The following SYTL3 variants were observed in gnomAD, a reference collection of about 807,000 sequenced individuals.
SYTL3 encodes synaptotagmin-like protein 3.
In SYTL3, 88 loss-of-function variants were observed where a neutral mutation model predicts 82.1. That is an observed-to-expected ratio of 1.07 (90% CI 0.90 to 1.28). The LOEUF (loss-of-function observed/expected upper bound fraction) is 1.28, where lower values mean the gene tolerates loss of function less well. SYTL3 is among the 50% of genes most tolerant of loss of function. The pLI is 0.00. For synonymous variants in SYTL3, 311 were observed against 289.4 expected (o/e 1.07, Z -0.76); for missense variants, 831 against 757.6 (o/e 1.10, Z -1.14).
chr6:158,712,937 A>G (rs1414702253), intron 8 of SYTL3, among the ~76,000 whole-genome samples: 1 of 150,820 alleles, frequency 6.6e-6, no homozygotes, highest in Non-Finnish European at 1.5e-5. Flanking sequence ...TTTTTTTTGT[A>G]TTTTTAGTAG....
At chr6:158,702,387 A>G (rs1781418607) in intron 6 of SYTL3, among the ~76,000 whole-genome samples, 1 of 149,518 alleles carries the variant, frequency 6.7e-6, no homozygotes, top group Admixed American at 6.7e-5. Context: ...TAAGTTACCC[A>G]GGCTGGTCTC....
At chr6:158,751,612 G>A (rs1429530070) in intron 12 of SYTL3, among the ~76,000 whole-genome samples, 4 of 152,194 alleles carry the variant, frequency 2.6e-5, no homozygotes, top group Non-Finnish European at 5.9e-5. Flanking sequence ...CCAGGCAGGC[G>A]AGAGAATCTC....
chr6:158,756,194 T>A (rs1254721986), intron 13 of SYTL3, among the ~76,000 whole-genome samples: 1 of 152,168 alleles, frequency 6.6e-6, no homozygotes, highest in Non-Finnish European at 1.5e-5. Flanking sequence ...CGGCCTCTAG[T>A]CTCTATGGGG....
intron 6 of SYTL3, among the ~76,000 whole-genome samples, chr6:158,688,344 A>C (rs542858301): frequency 1.3e-5 from 2 of 152,334 alleles, no homozygotes; most frequent in African/African-American, 2.4e-5. Context: ...TGTTTTGCCA[A>C]ATTACCCTCT....
chr6:158,717,012 T>C (rs1295536086), intron 9 of SYTL3, among the ~76,000 whole-genome samples: 1 of 152,256 alleles, frequency 6.6e-6, no homozygotes, highest in East Asian at 1.9e-4. Context: ...CCAGGCATGG[T>C]GGCTTAAGCC....
At chr6:158,698,605 A>G (rs1329768482) in intron 6 of SYTL3, among the ~76,000 whole-genome samples, 1 of 152,192 alleles carries the variant, frequency 6.6e-6, no homozygotes, top group Non-Finnish European at 1.5e-5. Flanking sequence ...TAGCATTTAG[A>G]GAAAACTCAA....
chr6:158,684,550 G>A (rs1309804868), intron 6 of SYTL3, among the ~76,000 whole-genome samples: 2 of 152,074 alleles, frequency 1.3e-5, no homozygotes, highest in Non-Finnish European at 2.9e-5. Flanking sequence ...TCAGGGATGC[G>A]GGCAGCACCC....
intron 8 of SYTL3, among the ~76,000 whole-genome samples, chr6:158,710,172 A>G (rs373628945): frequency 6.6e-6 from 1 of 152,386 alleles, no homozygotes; most frequent in East Asian, 1.9e-4. Flanking sequence ...GGGTATAACA[A>G]TTATGAACAG....
chr6:158,648,607 A>T (rs6934639), upstream of SYTL3, among the ~76,000 whole-genome samples: 50,998 of 127,580 alleles, frequency 0.4, 10,631 homozygotes, highest in Non-Finnish European at 0.42. Flanking sequence ...AAAAAAAAAA[A>T]AATAATAATA....
At chr6:158,720,370 C>T (rs566500161) in intron 10 of SYTL3, among the ~76,000 whole-genome samples, 238 of 145,654 alleles carry the variant, frequency 1.6e-3, no homozygotes, top group African/African-American at 5.7e-3. Context: ...TACTGTTATA[C>T]GCTCCAGCCT....
chr6:158,681,687 A>G (rs1778716870), intron 5 of SYTL3, among the ~76,000 whole-genome samples: 1 of 152,040 alleles, frequency 6.6e-6, no homozygotes, highest in African/African-American at 2.4e-5. Context: ...CAACAAGAAC[A>G]AGTTGTCCAC....
chr6:158,691,745 G>C (rs1190240338), intron 6 of SYTL3, among the ~76,000 whole-genome samples: 1 of 151,006 alleles, frequency 6.6e-6, no homozygotes, highest in Non-Finnish European at 1.5e-5. Flanking sequence ...TCCGCCTCCC[G>C]GGTTCACGCC....
chr6:158,763,164 C>T, intron 16 of SYTL3, 140 bp from the exon 17 acceptor site: 2 of 783,008 alleles, frequency 2.6e-6, no homozygotes, highest in South Asian at 1.6e-5. Context: ...CTGTGGTTCC[C>T]ACCCTGCTTC....
intron 2 of SYTL3, among the ~76,000 whole-genome samples, chr6:158,658,265 C>A (rs1400858163): frequency 6.6e-6 from 1 of 152,132 alleles, no homozygotes; most frequent in Non-Finnish European, 1.5e-5. Context: ...GAGTTAAATT[C>A]TGTTGTTAAT....
In SYTL3 at chr6:158,663,407, T is replaced by G. The variant is rs545871542; in HGVS notation, c.110+29T>G. On this transcript the variant is annotated intron_variant, in intron 4 of 17. Transcript: ENST00000611299. ...GGCTGCCCTTCCCGGGGGGTCACTT[T>G]GGGTGTTTAGCTTTCTCTGCTTGGG... 6 of 1,610,574 alleles carry G rather than the reference T, an allele frequency of 3.7e-6. No homozygotes were observed. In the Admixed American group the frequency reaches 1.0e-4, roughly 27 times the overall value.
At chr6:158,708,263 A>G (rs1782335597) in intron 7 of SYTL3, 59 bp from the exon 8 acceptor site, 1 of 1,405,132 alleles carries the variant, frequency 7.1e-7, no homozygotes, top group Non-Finnish European at 1.0e-6. Flanking sequence ...GTGTATTTGT[A>G]AAACTAACGG....
intron 5 of SYTL3, among the ~76,000 whole-genome samples, chr6:158,669,382 T>C (rs1217490036): frequency 6.6e-6 from 1 of 152,252 alleles, no homozygotes; most frequent in Non-Finnish European, 1.5e-5. Context: ...AACAAATCAA[T>C]GATTCTTCAG....
At chr6:158,734,094 CAAAAA>C (rs560547617) in intron 11 of SYTL3, among the ~76,000 whole-genome samples, 11 of 74,528 alleles carry the variant, frequency 1.5e-4, no homozygotes, top group Admixed American at 5.1e-4. Flanking sequence ...GACCCTGTCT[CAAAAA>C]AAAAAAAAAA....
Position 158,751,945 on chromosome 6 carries a change from T to A in SYTL3, c.1052T>A (p.Leu351Gln). ...KKCNPYVKTY[L>Q]LPDRSSQGKR... The stretch of plus-strand genomic sequence containing the variant: ...GCCCCTAGGTATGTGAAGACCTACC[T>A]GTTGCCCGACAGATCCTCCCAGGGA... Residue 351 changes from leucine (L) to glutamine (Q), a missense_variant, in exon 13 of 18, where the codon CTG (leucine) becomes CAG (glutamine). Leu to Gln is a moderately radical substitution (Grantham distance 113). Coordinates refer to ENST00000611299, the MANE Select transcript of SYTL3 (RefSeq NM_001242394.2). 1 of 1,598,948 alleles carries A rather than the reference T, an allele frequency of 6.3e-7. No homozygotes were observed. The highest frequency in any genetic ancestry group is 1.1e-5 in the South Asian group (1 of 88,262).
Sources: allele counts gnomAD v4.1 joint callset (sites outside exome capture counted in the v4.1 genomes callset), GRCh38; gene constraint gnomAD v4.1.1; transcripts MANE v1.5; gene names NCBI Gene and HGNC (gene_info 2026-07-23, HGNC 2026-07-21).